The following UMAD1 variants were observed in gnomAD, a reference collection of about 807,000 sequenced individuals.
The protein encoded by UMAD1 is UBAP1-MVB12-associated (UMA) domain containing 1, also known as UBAP1-MVB12-associated (UMA)-domain containing protein 1.
A neutral mutation model predicts 6.1 loss-of-function variants in UMAD1; 8 were observed. That is an observed-to-expected ratio of 1.30 (90% CI 0.76 to 2.35). UMAD1 has a LOEUF of 2.35. Ranked by LOEUF, UMAD1 falls within the 30% of genes most tolerant of loss-of-function variation. The pLI, the probability that UMAD1 is intolerant of heterozygous loss-of-function variation, is 0.00. For synonymous variants in UMAD1, 56 were observed against 31.4 expected, an observed-to-expected ratio of 1.78 and a Z score of -2.61; for missense variants, 130 against 78.4, an observed-to-expected ratio of 1.66 and a Z score of -2.49.
chr7:7,643,391 A>G (rs923409479), intron 1 of UMAD1, among the ~76,000 whole-genome samples: 11 of 152,222 alleles, frequency 7.2e-5, no homozygotes, highest in Admixed American at 2.0e-4. Context: ...GGAAAGAATC[A>G]TGGGAAATAG....
At chr7:7,760,928 G>A (rs1781876005) in intron 2 of UMAD1, among the ~76,000 whole-genome samples, 1 of 152,164 alleles carries the variant, frequency 6.6e-6, no homozygotes, top group Admixed American at 6.5e-5. Flanking sequence ...GGAGAAATTA[G>A]GGGATCATTT....
At chr7:7,828,920 A>T (rs1219422129) in intron 3 of UMAD1, among the ~76,000 whole-genome samples, 1 of 152,190 alleles carries the variant, frequency 6.6e-6, no homozygotes, top group African/African-American at 2.4e-5. Flanking sequence ...TTAGGAGGTC[A>T]TTGACAATAA....
At chr7:7,809,441 A>G (rs977468403) in intron 3 of UMAD1, among the ~76,000 whole-genome samples, 2 of 151,888 alleles carry the variant, frequency 1.3e-5, no homozygotes, top group South Asian at 2.1e-4. Context: ...TAATAATTGC[A>G]TGTATTTATG....
chr7:7,707,489 A>G (rs780862509), intron 2 of UMAD1, among the ~76,000 whole-genome samples: 7 of 152,182 alleles, frequency 4.6e-5, no homozygotes, highest in Non-Finnish European at 1.0e-4. Flanking sequence ...TGGGAATGCC[A>G]TATGCTCTCA....
At chr7:7,728,844 T>C (rs1781193587) in intron 2 of UMAD1, among the ~76,000 whole-genome samples, 1 of 152,188 alleles carries the variant, frequency 6.6e-6, no homozygotes, top group South Asian at 2.1e-4. Context: ...ACAATATTTA[T>C]AGTGGGCCTA....
intron 3 of UMAD1, among the ~76,000 whole-genome samples, chr7:7,875,388 C>A (rs934395608): frequency 2.0e-5 from 3 of 152,070 alleles, no homozygotes; most frequent in African/African-American, 7.2e-5. Context: ...TCAAAAAAAT[C>A]AATGAATCCA....
chr7:7,851,446 T>A (rs750662895), intron 3 of UMAD1, among the ~76,000 whole-genome samples: 1 of 152,226 alleles, frequency 6.6e-6, no homozygotes, highest in African/African-American at 2.4e-5. Context: ...CTGGGTCTTA[T>A]GTAACTCTGT....
chr7:7,773,925 A>G (rs2115245393), intron 2 of UMAD1, among the ~76,000 whole-genome samples: 1 of 152,296 alleles, frequency 6.6e-6, no homozygotes, highest in East Asian at 1.9e-4. Flanking sequence ...TGGTTGGTTT[A>G]GAGAAGAACC....
At chr7:7,823,126 A>G (rs1238737985) in intron 3 of UMAD1, among the ~76,000 whole-genome samples, 2 of 152,148 alleles carry the variant, frequency 1.3e-5, no homozygotes, top group Non-Finnish European at 2.9e-5. Flanking sequence ...GAAAGTTTTT[A>G]TAATTAGTCA....
chr7:7,793,122 C>G (rs567008733), intron 2 of UMAD1, among the ~76,000 whole-genome samples: 1 of 152,176 alleles, frequency 6.6e-6, no homozygotes, highest in Non-Finnish European at 1.5e-5. Flanking sequence ...GAATAGCAGT[C>G]GAAACCAAGA....
At chr7:7,836,122 A>G (rs1426062606) in intron 3 of UMAD1, among the ~76,000 whole-genome samples, 1 of 152,056 alleles carries the variant, frequency 6.6e-6, no homozygotes, top group Non-Finnish European at 1.5e-5. Flanking sequence ...TTTCTTAGCT[A>G]CAATAATTAT....
intron 2 of UMAD1, among the ~76,000 whole-genome samples, chr7:7,796,030 G>A (rs888392733): frequency 1.3e-5 from 2 of 151,914 alleles, no homozygotes; most frequent in Non-Finnish European, 2.9e-5. Context: ...CTGACAAGGG[G>A]ACAGAACCAC....
chr7:7,802,159 C>G (rs1331890465), intron 3 of UMAD1, among the ~76,000 whole-genome samples: 1 of 152,210 alleles, frequency 6.6e-6, no homozygotes, highest in African/African-American at 2.4e-5. Context: ...GCGGGTAGAT[C>G]ACGAGGTCAA....
At chr7:7,650,222 C>T (rs1785193218) in intron 1 of UMAD1, among the ~76,000 whole-genome samples, 1 of 152,148 alleles carries the variant, frequency 6.6e-6, no homozygotes, top group Non-Finnish European at 1.5e-5. Context: ...GTAACTCTGC[C>T]TAGACATTAT....
intron 3 of UMAD1, among the ~76,000 whole-genome samples, chr7:7,839,408 TC>T (rs1466774219): frequency 6.6e-6 from 1 of 151,942 alleles, no homozygotes; most frequent in Non-Finnish European, 1.5e-5. Context: ...ACACATAGGG[TC>T]CCCCTATGTT....
chr7:7,728,331 A>C (rs1781181749), intron 2 of UMAD1, among the ~76,000 whole-genome samples: 1 of 152,152 alleles, frequency 6.6e-6, no homozygotes, highest in African/African-American at 2.4e-5. Flanking sequence ...CAGTTTTCTC[A>C]TTTACAAAAT....
intron 1 of UMAD1, among the ~76,000 whole-genome samples, chr7:7,647,744 G>A (rs1214161655): frequency 1.3e-5 from 2 of 152,138 alleles, no homozygotes; most frequent in East Asian, 1.9e-4. Flanking sequence ...CTGCAGGCAC[G>A]TGCCATCACA....
At chr7:7,666,919 C>T (rs760557267) in intron 1 of UMAD1, among the ~76,000 whole-genome samples, 1 of 152,278 alleles carries the variant, frequency 6.6e-6, no homozygotes, top group South Asian at 2.1e-4. Flanking sequence ...AATTCTCCTG[C>T]CTCTCAGCCT....
chr7:7,732,200 AT>A (rs1781272836), intron 2 of UMAD1, among the ~76,000 whole-genome samples: 1 of 152,012 alleles, frequency 6.6e-6, no homozygotes, highest in South Asian at 2.1e-4. Flanking sequence ...TAGCCAACTG[AT>A]ATGTTTTTGT....
Sources: gnomAD v4.1 joint callset for allele counts (sites outside exome capture counted in the v4.1 genomes callset) on GRCh38, gnomAD v4.1.1 for gene constraint, MANE v1.5 for transcripts, NCBI Gene and HGNC (gene_info 2026-07-23, HGNC 2026-07-21) for gene names.